LRRC7: variants seen among roughly 807,000 people sequenced by gnomAD.
LRRC7 encodes leucine rich repeat containing 7.
Under a neutral mutation model 175.7 loss-of-function variants are expected in LRRC7, and 23 were observed. The ratio of observed to expected loss-of-function variants is 0.13; its 90% CI spans 0.09 to 0.19. The LOEUF is 0.19. Ranked by LOEUF, LRRC7 falls within the 10% of genes least tolerant of loss-of-function variation. The pLI is 1.00. For synonymous variants in LRRC7, 685 were observed against 680.9 expected (o/e 1.01, Z -0.09); for missense variants, 1,354 against 1,904.7 (o/e 0.71, Z 5.38).
intron 2 of LRRC7, among the ~76,000 whole-genome samples, chr1:69,707,734 CTAGAT>C (rs1664225498): frequency 6.6e-6 from 1 of 152,116 alleles, no homozygotes; most frequent in African/African-American, 2.4e-5. Flanking sequence ...CATCTCTAGA[CTAGAT>C]TATAGTCTTG....
At chr1:70,089,550 C>T (rs1663868525) in intron 24 of LRRC7, among the ~76,000 whole-genome samples, 177 bp from the exon 25 acceptor site, 1 of 152,134 alleles carries the variant, frequency 6.6e-6, no homozygotes, top group Non-Finnish European at 1.5e-5. Context: ...ATAACTGATG[C>T]ATATAGAAAC....
chr1:69,681,514 A>C (rs561718863), intron 2 of LRRC7, among the ~76,000 whole-genome samples: 2 of 152,188 alleles, frequency 1.3e-5, no homozygotes, highest in African/African-American at 4.8e-5. Context: ...GATCTAAGTT[A>C]TTTAATGGGA....
intron 7 of LRRC7, among the ~76,000 whole-genome samples, chr1:69,862,692 T>C (rs543097210): frequency 1.3e-5 from 2 of 152,290 alleles, no homozygotes; most frequent in Admixed American, 1.3e-4. Flanking sequence ...TTTAGAGTCA[T>C]TGTTCATATC....
At chr1:69,984,822 A>G (rs1653782535) in intron 9 of LRRC7, among the ~76,000 whole-genome samples, 4 of 152,174 alleles carry the variant, frequency 2.6e-5, no homozygotes, top group African/African-American at 7.2e-5. Context: ...GTCATTCCCC[A>G]TATTACAATC....
chr1:69,686,701 C>T (rs1661193659), intron 2 of LRRC7, among the ~76,000 whole-genome samples: 1 of 151,828 alleles, frequency 6.6e-6, no homozygotes, highest in Admixed American at 6.6e-5. Context: ...ACCAAGAGAA[C>T]AGAACAGAAA....
At chr1:69,907,966 A>G (rs1646379475) in intron 7 of LRRC7, among the ~76,000 whole-genome samples, 1 of 152,124 alleles carries the variant, frequency 6.6e-6, no homozygotes, top group African/African-American at 2.4e-5. Context: ...TCAGAGATTC[A>G]ACTTCTTCCT....
intron 1 of LRRC7, among the ~76,000 whole-genome samples, chr1:69,630,045 G>T (rs1266313015): frequency 2.6e-5 from 4 of 151,790 alleles, no homozygotes. Flanking sequence ...CCAGTGTCCT[G>T]CTTCCTATAA....
intron 2 of LRRC7, among the ~76,000 whole-genome samples, chr1:69,747,082 G>A (rs974800656): frequency 1.3e-5 from 2 of 152,098 alleles, no homozygotes; most frequent in Admixed American, 6.6e-5. Flanking sequence ...TCACATTGGA[G>A]CATACTCCAG....
chr1:69,755,925 G>C (rs925103319), intron 2 of LRRC7, among the ~76,000 whole-genome samples: 3 of 151,714 alleles, frequency 2.0e-5, no homozygotes, highest in African/African-American at 7.3e-5. Context: ...AGACAGTCAG[G>C]GATCACCAGA....
chr1:69,753,963 A>T lies in LRRC7; in HGVS notation c.101-6228A>T, dbSNP rs561157679. 2.0e-5 allele frequency among the ~76,000 whole-genome samples: 3 copies of T among 152,208 alleles called. No individual in the cohort carries two copies. In the South Asian group the frequency reaches 6.2e-4, roughly 32 times the overall value. On this transcript the variant is annotated intron_variant, in intron 2 of 26. Coordinates refer to ENST00000651989, the MANE Select transcript of LRRC7 (RefSeq NM_001370785.2). ...TTGTGCCTTATGCAGAGGTAGCCATAGATCTGAAGGCTCTAGTATAGGAGA... is the reference window on the plus strand; with the variant it reads ...TTGTGCCTTATGCAGAGGTAGCCATTGATCTGAAGGCTCTAGTATAGGAGA...
intron 1 of LRRC7, 43 bp from the exon 2 acceptor site, chr1:69,678,338 A>G (rs1353850209): frequency 3.0e-6 from 4 of 1,318,002 alleles, no homozygotes; most frequent in Non-Finnish European, 4.2e-6. Context: ...ACATTTATCC[A>G]AAAAAAAGAG....
chr1:70,109,023 T>G (rs1665338363), intron 26 of LRRC7, among the ~76,000 whole-genome samples: 1 of 116,582 alleles, frequency 8.6e-6, no homozygotes, highest in Non-Finnish European at 1.7e-5. Flanking sequence ...TTTGTTTTTG[T>G]TTTTGTTTTT....
intron 8 of LRRC7, among the ~76,000 whole-genome samples, chr1:69,935,670 G>A (rs1647935476): frequency 6.6e-6 from 1 of 152,056 alleles, no homozygotes; most frequent in Admixed American, 6.6e-5. Context: ...TCTATTGGTA[G>A]TCATTTTCTT....
At chr1:70,093,568 G>A (rs1437279534) in intron 25 of LRRC7, among the ~76,000 whole-genome samples, 1 of 152,078 alleles carries the variant, frequency 6.6e-6, no homozygotes, top group African/African-American at 2.4e-5. Flanking sequence ...ATACCCTGTA[G>A]AGTTGAGACT....
chr1:69,938,995 T>TTATACATA, intron 8 of LRRC7, among the ~76,000 whole-genome samples: 1 of 97,584 alleles, frequency 1.0e-5, no homozygotes, highest in African/African-American at 3.9e-5. Context: ...AGGCTGTAGA[T>TTATACATA]TATATATATA....
chr1:69,578,710 C>G (rs144396937), intron 1 of LRRC7, among the ~76,000 whole-genome samples: 2,858 of 148,392 alleles, frequency 0.019, 90 homozygotes, highest in African/African-American at 0.066. Context: ...CCAAACACCA[C>G]ATATTCTCAG....
At chr1:69,733,855 A>G (rs573302186) in intron 2 of LRRC7, among the ~76,000 whole-genome samples, 2 of 152,168 alleles carry the variant, frequency 1.3e-5, no homozygotes, top group African/African-American at 4.8e-5. Flanking sequence ...CTCAGAAACC[A>G]TGTCATCATA....
chr1:69,746,386 T>G lies in LRRC7; in HGVS notation c.101-13805T>G, dbSNP rs566871545. ...ACACTGGGAATTATTTCTTCTGGAG[T>G]TTTACTTCTGAAAATGAGTGGGCAC... On this transcript the variant is annotated intron_variant, in intron 2 of 26. Coordinates refer to ENST00000651989, the MANE Select transcript of LRRC7 (RefSeq NM_001370785.2). Among the ~76,000 whole-genome samples the G allele has an allele frequency of 3.3e-5, 5 of 151,916 alleles. No individual in the cohort carries two copies. In the South Asian group the frequency reaches 6.2e-4, roughly 19 times the overall value.
chr1:70,047,412 C>T (rs1434492555), intron 22 of LRRC7, among the ~76,000 whole-genome samples: 1 of 152,012 alleles, frequency 6.6e-6, no homozygotes, highest in Non-Finnish European at 1.5e-5. Flanking sequence ...AACATGTATC[C>T]CCACCCTCTC....
Sources: gnomAD v4.1 joint callset for allele counts (sites outside exome capture counted in the v4.1 genomes callset) on GRCh38, gnomAD v4.1.1 for gene constraint, MANE v1.5 for transcripts, NCBI Gene and HGNC (gene_info 2026-07-23, HGNC 2026-07-21) for gene names.